CR1: variants seen among roughly 807,000 people sequenced by gnomAD.
The protein encoded by CR1 is complement receptor type 1.
A neutral mutation model predicts 187.3 loss-of-function variants in CR1; 116 were observed. That is an observed-to-expected ratio of 0.62 (90% CI 0.53 to 0.72). The LOEUF is 0.72. CR1 is among the 30% of genes least tolerant of loss of function. CR1 has a pLI of 0.00. For missense variants in CR1, 1,731 were observed against 2,110.7 expected (o/e 0.82, Z 3.52); for synonymous variants, 576 against 747.1 (o/e 0.77, Z 3.73).
At chr1:207,578,279 A>T in intron 29 of CR1, 76 bp downstream of exon 29, 1 of 1,611,024 alleles carries the variant, frequency 6.2e-7, no homozygotes, top group Non-Finnish European at 8.5e-7. Flanking sequence ...AGTATTTGTT[A>T]AGGGGGAGGT....
rs772713961 is a variant in CR1, at chr1:207,577,938, T to C, written c.4671T>C (p.Leu1557=). The C allele has an allele frequency of 1.3e-5, 21 of 1,611,998 alleles. No individual in the cohort carries two copies. Among genetic ancestry groups the C allele is most frequent in the Non-Finnish European group, 1.7e-5 (20 of 1,179,736 alleles). Residue 1557 remains leucine (L), a synonymous_variant, in exon 29 of 47, where the codon CTT becomes CTC. Transcript: ENST00000367049. Reference sequence around the variant, plus strand: ...GCAGAGGGAGAAAGGTGTTTGAGCTTGTGGGTGAGCCCTCCATATACTGCA... The same window carrying C: ...GCAGAGGGAGAAAGGTGTTTGAGCTCGTGGGTGAGCCCTCCATATACTGCA... ...LGSRGRKVFE[L]VGEPSIYCTS...
rs190338494 is a variant in CR1 at position 207,614,619 on chromosome 1, T to G, written c.6661+130T>G. The G allele has an allele frequency of 3.2e-4, 203 of 638,710 alleles. 1 individual carries two copies. Among genetic ancestry groups the G allele is most frequent in the East Asian group, 1.5e-4 (4 of 26,570 alleles). The allele number at this position is 638,710 out of a possible 1,614,324, so 39.6% of individuals were successfully genotyped here. A position where few individuals can be genotyped will look rare whatever the true frequency, so the allele number is the denominator to read the frequency against. On this transcript the variant is annotated intron_variant, in intron 40 of 46. Coordinates refer to ENST00000367049, the MANE Select transcript of CR1 (RefSeq NM_000651.6). ...ATTATGGATAAAAATACTTCTTTGT[T>G]GGAAGAATTTCAAGAAGGGTCTTGT...
chr1:207,498,889 A>AAAAAAAG (rs1243087607), intron 1 of CR1, among the ~76,000 whole-genome samples: 3 of 149,572 alleles, frequency 2.0e-5, no homozygotes, highest in African/African-American at 7.3e-5. Context: ...AAAAAAAAAA[A>AAAAAAAG]AAAAGAAACA....
At chr1:207,503,388 A>T (rs1015139826) in intron 1 of CR1, among the ~76,000 whole-genome samples, 3 of 152,220 alleles carry the variant, frequency 2.0e-5, no homozygotes, top group Non-Finnish European at 4.4e-5. Flanking sequence ...GTGGCTTAAG[A>T]CAACAGAAAT....
intron 35 of CR1, among the ~76,000 whole-genome samples, chr1:207,602,130 G>T (rs1661624110): frequency 6.6e-6 from 1 of 151,812 alleles, no homozygotes. Context: ...TCACTTGAAG[G>T]GACATGTATA....
rs1662040522 is a variant in CR1, at chr1:207,614,585, C to G, written c.6661+96C>G. On this transcript the variant is annotated intron_variant, in intron 40 of 46. Transcript: ENST00000367049. ...GCATCACCTGTTGTCTAGATCTTTACTTAACTAAATTATGGATAAAAATAC... is the reference window on the plus strand; with the variant it reads ...GCATCACCTGTTGTCTAGATCTTTAGTTAACTAAATTATGGATAAAAATAC... 14 of 907,062 alleles carry G rather than the reference C, an allele frequency of 1.5e-5. No homozygotes were observed. In the Admixed American group the frequency reaches 3.3e-4, roughly 21 times the overall value. The allele number at this position is 907,062 out of a possible 1,614,324, so 56.2% of individuals were successfully genotyped here.
intron 45 of CR1, among the ~76,000 whole-genome samples, chr1:207,626,252 G>T (rs1029890339): frequency 1.3e-5 from 2 of 152,166 alleles, no homozygotes; most frequent in African/African-American, 4.8e-5. Context: ...AAACACCACT[G>T]ATTTTCATGT....
chr1:207,619,070 G>C (rs1373358090), intron 42 of CR1, among the ~76,000 whole-genome samples: 1 of 140,368 alleles, frequency 7.1e-6, no homozygotes, highest in African/African-American at 2.7e-5. Flanking sequence ...AGAAAAGAAA[G>C]TAAATTAATT....
At chr1:207,501,930 T>A (rs1321808558) in intron 1 of CR1, among the ~76,000 whole-genome samples, 1 of 151,436 alleles carries the variant, frequency 6.6e-6, no homozygotes, top group African/African-American at 2.5e-5. Flanking sequence ...TTTTTTTTTT[T>A]ACAGTATCCT....
chr1:207,606,679 T>C (rs1259481080), intron 35 of CR1: 3 of 152,218 alleles, frequency 2.0e-5, no homozygotes, highest in Non-Finnish European at 4.4e-5. Flanking sequence ...TTCTACGTTT[T>C]GTGGCCTACT....
intron 36 of CR1, among the ~76,000 whole-genome samples, chr1:207,608,200 G>A (rs1661807981): frequency 6.6e-6 from 1 of 152,092 alleles, no homozygotes; most frequent in South Asian, 2.1e-4. Context: ...AAGAAATAAG[G>A]CATATTTTAA....
intron 24 of CR1, among the ~76,000 whole-genome samples, chr1:207,567,062 C>G (rs1282340820): frequency 2.0e-5 from 3 of 150,220 alleles, no homozygotes; most frequent in Non-Finnish European, 2.9e-5. Context: ...TTTCATAACT[C>G]TTGCTAGTTA....
rs1296549315 is a variant in CR1, at chr1:207,578,179, C to A, written c.4912C>A (p.Pro1638Thr). 2.5e-6 allele frequency: 4 copies of A among 1,611,706 alleles called. No homozygotes were observed. The East Asian group carries it at 6.7e-5, about 27-fold the overall frequency. Residue 1638 changes from proline to threonine, a missense_variant, in exon 29 of 47, where the codon CCA becomes ACA. Transcript: ENST00000367049. ...VKCQALNKWE[P>T]ELPSCSRVCQ... is the part of the protein sequence containing the mutation. ...GTGCCAGGCCCTGAACAAATGGGAGCCAGAGTTACCAAGCTGCTCCAGGGG... is the reference window on the plus strand; with the variant it reads ...GTGCCAGGCCCTGAACAAATGGGAGACAGAGTTACCAAGCTGCTCCAGGGG...
In CR1 at chr1:207,620,000, G is replaced by C; in HGVS notation, c.7187G>C (p.Gly2396Ala). 1 of 1,613,842 alleles carries C rather than the reference G, an allele frequency of 6.2e-7. No individual in the cohort carries two copies. The highest frequency in any genetic ancestry group is 8.5e-7 in the Non-Finnish European group (1 of 1,179,854). Reference protein sequence around the residue: ...LKCEDGYTLEGSPWSQCQADD... With the variant: ...LKCEDGYTLEASPWSQCQADD... ...TGTGAAGATGGGTATACTCTGGAAG[G>C]CAGTCCCTGGAGCCAGTGCCAGGCG... The change falls in exon 43 of 47, where the codon GGC becomes GCC. Residue 2396 changes from glycine to alanine, a missense_variant. Physicochemically the swap from Gly to Ala is moderately conservative, Grantham distance 60 (BLOSUM62 0). This residue lies in a region of CR1 where 1,312 missense variants were observed against 1,379.6 expected (regional missense o/e 0.95). Coordinates refer to ENST00000367049, the MANE Select transcript of CR1 (RefSeq NM_000651.6).
In CR1 at chr1:207,598,421, CT is replaced by C. The variant is rs11392366; in HGVS notation, c.5811-8818del. The stretch of plus-strand genomic sequence containing the variant: ...GTCCAGTGCACAATAAAGACAAGAA[CT>C]TTTTTTTTTTTCTTTTGAGATGGAG... On this transcript the variant is annotated intron_variant, in intron 35 of 46. Transcript: ENST00000367049. 3.7e-4 allele frequency among the ~76,000 whole-genome samples: 55 copies of C among 148,646 alleles called. No individual in the cohort carries two copies. In the South Asian group the frequency reaches 8.3e-3, roughly 23 times the overall value.
chr1:207,544,506 A>G (rs1424533009), intron 13 of CR1, among the ~76,000 whole-genome samples: 1 of 61,796 alleles, frequency 1.6e-5, no homozygotes, highest in Non-Finnish European at 3.0e-5. Context: ...TCAAAGACAA[A>G]CTGAAATTAC....
chr1:207,575,776 G>T, intron 28 of CR1, 96 bp downstream of exon 28: 2 of 1,573,426 alleles, frequency 1.3e-6, no homozygotes, highest in East Asian at 2.2e-5. Flanking sequence ...TCTTGGAAAT[G>T]GTATCCTTCT....
At chr1:207,611,544 A>G (rs1434264533) in intron 37 of CR1, 133 bp from the exon 38 acceptor site, 3 of 1,306,002 alleles carry the variant, frequency 2.3e-6, no homozygotes, top group East Asian at 4.8e-5. Flanking sequence ...AGATGTGGCT[A>G]CTGAACTACC....
chr1:207,611,505 G>A (rs1390213182), intron 37 of CR1, among the ~76,000 whole-genome samples, 172 bp from the exon 38 acceptor site: 1 of 152,164 alleles, frequency 6.6e-6, no homozygotes, highest in Non-Finnish European at 1.5e-5. Context: ...TCACAGTTCT[G>A]CTTGGTTTCC....
Sources: gnomAD v4.1 joint callset for allele counts (sites outside exome capture counted in the v4.1 genomes callset) on GRCh38, gnomAD v4.1.1 for gene constraint, gnomAD v4.1.1 regional missense constraint, MANE v1.5 for transcripts, NCBI Gene and HGNC (gene_info 2026-07-23, HGNC 2026-07-21) for gene names.